Variants in MEMO1 observed in about 807,000 individuals in gnomAD.
MEMO1 encodes mediator of cell motility 1, also known as protein MEMO1.
A neutral mutation model predicts 45.2 loss-of-function variants in MEMO1; 6 were observed. That is an observed-to-expected ratio of 0.13 (90% CI 0.07 to 0.26). The LOEUF (loss-of-function observed/expected upper bound fraction) is 0.26. Ranked by LOEUF, MEMO1 falls within the 10% of genes least tolerant of loss-of-function variation. The pLI is 1.00. For missense variants in MEMO1, 184 were observed against 370.5 expected, an observed-to-expected ratio of 0.50 and a Z score of 4.13; for synonymous variants, 78 against 124.3, an observed-to-expected ratio of 0.63 and a Z score of 2.48.
At position 31,931,614 on chromosome 2, in the gene MEMO1, A is replaced by C. The variant is rs543526155; in HGVS notation, c.212+453T>G. Among the ~76,000 whole-genome samples the C allele has an allele frequency of 4.6e-5, 7 of 152,262 alleles. No individual in the cohort carries two copies. In the South Asian group the frequency reaches 1.5e-3, roughly 32 times the overall value. Reference sequence around the variant, plus strand: ...ATTATTAAGAGTTAATATGCCTCAAACACCATATTAAATTCACTGTCAGAT... The same window carrying C: ...ATTATTAAGAGTTAATATGCCTCAACCACCATATTAAATTCACTGTCAGAT... On this transcript the variant is annotated intron_variant, in intron 4 of 9. Transcript: ENST00000404530.
Position 31,899,871 on chromosome 2 carries a change from A to G in MEMO1, c.438-7737T>C, listed in dbSNP as rs137989999. The stretch of plus-strand genomic sequence containing the variant: ...AACCCCATCAAAAAGTAGGCTAAAG[A>G]TATGAACAGACGCTTCTCAAAAGAA... On this transcript the variant is annotated intron_variant, in intron 6 of 9. Transcript: ENST00000404530. Among the ~76,000 whole-genome samples the G allele has an allele frequency of 9.1e-3, 1,389 of 152,352 alleles. 21 individuals carry two copies. The highest frequency in any genetic ancestry group is 0.032 in the African/African-American group (1,328 of 41,570).
intron 2 of MEMO1, among the ~76,000 whole-genome samples, chr2:31,965,435 T>G (rs17011721): frequency 1.3e-5 from 2 of 151,946 alleles, no homozygotes; most frequent in African/African-American, 4.8e-5. Context: ...CATAGGATAA[T>G]AATCTTGTAA....
chr2:31,924,991 TC>T (rs1487414313), intron 4 of MEMO1, among the ~76,000 whole-genome samples: 2 of 151,990 alleles, frequency 1.3e-5, no homozygotes, highest in South Asian at 4.2e-4. Flanking sequence ...CAGGATAAAA[TC>T]TAGAATCCTT....
intron 2 of MEMO1, among the ~76,000 whole-genome samples, chr2:31,947,173 AAAAC>A (rs1666292453): frequency 1.3e-5 from 2 of 152,212 alleles, no homozygotes; most frequent in Non-Finnish European, 2.9e-5. Flanking sequence ...ACCAATGTGA[AAAAC>A]AGATAAAAGC....
At chr2:31,888,332 C>A (rs935383989) in intron 7 of MEMO1, among the ~76,000 whole-genome samples, 3 of 152,092 alleles carry the variant, frequency 2.0e-5, no homozygotes, top group African/African-American at 7.2e-5. Context: ...TATATTTTCA[C>A]TAAATCCAAT....
chr2:31,898,919 G>T (rs1196163225), intron 6 of MEMO1, among the ~76,000 whole-genome samples: 1 of 152,096 alleles, frequency 6.6e-6, no homozygotes, highest in Non-Finnish European at 1.5e-5. Flanking sequence ...AATATATTTA[G>T]GACAGTTAGC....
intron 2 of MEMO1, among the ~76,000 whole-genome samples, chr2:31,948,300 TATGTA>T (rs1666418023): frequency 6.6e-6 from 1 of 152,232 alleles, no homozygotes; most frequent in South Asian, 2.1e-4. Flanking sequence ...CTATTCTACA[TATGTA>T]ATTTAAAGAA....
At chr2:31,903,178 T>C (rs1679123774) in intron 6 of MEMO1, among the ~76,000 whole-genome samples, 1 of 152,164 alleles carries the variant, frequency 6.6e-6, no homozygotes, top group African/African-American at 2.4e-5. Flanking sequence ...CTGTATAACA[T>C]TGACGAATAT....
chr2:31,921,339 G>A (rs916953828), intron 4 of MEMO1, among the ~76,000 whole-genome samples: 1 of 152,130 alleles, frequency 6.6e-6, no homozygotes, highest in Admixed American at 6.5e-5. Flanking sequence ...CTAATCTGTG[G>A]TATTTTGTTA....
At chr2:31,918,327 T>C (rs946298556) in intron 5 of MEMO1, among the ~76,000 whole-genome samples, 1 of 152,158 alleles carries the variant, frequency 6.6e-6, no homozygotes, top group African/African-American at 2.4e-5. Context: ...ATATAAAAAA[T>C]GATAATTTAA....
chr2:31,928,828 C>T (rs1221729471), intron 4 of MEMO1, among the ~76,000 whole-genome samples: 6 of 152,022 alleles, frequency 3.9e-5, no homozygotes, highest in Admixed American at 3.9e-4. Context: ...ATGTTATACC[C>T]CGCTTTTTTT....
At chr2:32,000,526 G>A (rs1275027747) in intron 2 of MEMO1, among the ~76,000 whole-genome samples, 1 of 151,328 alleles carries the variant, frequency 6.6e-6, no homozygotes, top group African/African-American at 2.4e-5. Flanking sequence ...CACCGTGCCC[G>A]GCCAATTTTT....
rs1047507529 is a variant in MEMO1, at chr2:31,874,783, T to C, written c.658-4831A>G. 2.0e-5 allele frequency among the ~76,000 whole-genome samples: 3 copies of C among 151,942 alleles called. No individual in the cohort carries two copies. In the South Asian group the frequency reaches 6.2e-4, roughly 31 times the overall value. On this transcript the variant is annotated intron_variant, in intron 8 of 9. Transcript: ENST00000404530. Reference sequence around the variant, plus strand: ...AAAAGATCACATATGAAAACTAAGATATTGGTTCTCAAATGATTTAAATTA... The same window carrying C: ...AAAAGATCACATATGAAAACTAAGACATTGGTTCTCAAATGATTTAAATTA...
intron 3 of MEMO1, among the ~76,000 whole-genome samples, chr2:31,933,971 G>A (rs548813511): frequency 6.6e-5 from 10 of 152,228 alleles, no homozygotes; most frequent in Non-Finnish European, 8.8e-5. Context: ...TGCCTGAGAC[G>A]TCACTGCTCA....
At chr2:31,888,501 TCTA>T (rs1676500596) in intron 7 of MEMO1, among the ~76,000 whole-genome samples, 1 of 151,970 alleles carries the variant, frequency 6.6e-6, no homozygotes, top group African/African-American at 2.4e-5. Context: ...GAATGAAAAT[TCTA>T]CTAACTGAAA....
At chr2:31,930,934 C>T (rs1664092387) in intron 4 of MEMO1, among the ~76,000 whole-genome samples, 1 of 151,256 alleles carries the variant, frequency 6.6e-6, no homozygotes, top group Non-Finnish European at 1.5e-5. Context: ...GCTGGGATTA[C>T]AGGTGTTAGC....
intron 6 of MEMO1, among the ~76,000 whole-genome samples, chr2:31,904,192 G>A (rs768723318): frequency 1.4e-4 from 21 of 152,240 alleles, no homozygotes; most frequent in Non-Finnish European, 2.2e-4. Flanking sequence ...GGGCCTGTTT[G>A]TAAGACTGGT....
chr2:31,996,889 C>T (rs766301212), intron 2 of MEMO1, among the ~76,000 whole-genome samples: 4 of 152,092 alleles, frequency 2.6e-5, no homozygotes, highest in African/African-American at 9.7e-5. Flanking sequence ...AACTACTATG[C>T]CCAGCAGAGA....
chr2:31,882,904 A>G (rs1271905054), intron 8 of MEMO1, among the ~76,000 whole-genome samples: 2 of 152,188 alleles, frequency 1.3e-5, no homozygotes, highest in East Asian at 3.8e-4. Context: ...AAGAACAGTA[A>G]TTTGGTCTGC....
Sources: allele counts gnomAD v4.1 joint callset (sites outside exome capture counted in the v4.1 genomes callset), GRCh38; gene constraint gnomAD v4.1.1; transcripts MANE v1.5; gene names NCBI Gene and HGNC (gene_info 2026-07-23, HGNC 2026-07-21).